RSPH10B2: variants seen among roughly 807,000 people sequenced by gnomAD.
RSPH10B2 encodes radial spoke head 10 homolog B2 (Chlamydomonas).
In RSPH10B2, 9 loss-of-function variants were observed where a neutral mutation model predicts 49.0. The ratio of observed to expected loss-of-function variants is 0.18; its 90% CI spans 0.11 to 0.32. The LOEUF (loss-of-function observed/expected upper bound fraction) is 0.32. RSPH10B2 is among the 10% of genes least tolerant of loss of function. The pLI is 1.00. For missense variants in RSPH10B2, 95 were observed against 589.9 expected, an observed-to-expected ratio of 0.16 and a Z score of 8.69; for synonymous variants, 35 against 210.2, an observed-to-expected ratio of 0.17 and a Z score of 7.21.
chr7:6,755,950 A>C (rs865956005), upstream of RSPH10B2, among the ~76,000 whole-genome samples: 4 of 142,248 alleles, frequency 2.8e-5, no homozygotes, highest in Non-Finnish European at 6.0e-5. Context: ...AAAAAAAAAA[A>C]AAAAAACAAA....
chr7:6,768,471 C>T (rs970756921), intron 6 of RSPH10B2, 119 bp from the exon 9 acceptor site: 1 of 149,138 alleles, frequency 6.7e-6, no homozygotes, highest in African/African-American at 2.5e-5. Context: ...TGTGTGACTC[C>T]AGAGTCCAAG....
intron 16 of RSPH10B2, among the ~76,000 whole-genome samples, chr7:6,791,411 T>A (rs1782322610): frequency 6.7e-6 from 1 of 149,758 alleles, no homozygotes; most frequent in Non-Finnish European, 1.5e-5. Flanking sequence ...AATTCTGTTA[T>A]TCATTTCATT....
At chr7:6,783,860 A>G (rs1464610161) in intron 13 of RSPH10B2, among the ~76,000 whole-genome samples, 1 of 134,494 alleles carries the variant, frequency 7.4e-6, no homozygotes, top group Non-Finnish European at 1.6e-5. Flanking sequence ...TATTATTTTG[A>G]CAGTCTTGCT....
At chr7:6,756,473 A>T (rs1583491358), upstream of RSPH10B2, among the ~76,000 whole-genome samples, 1 of 2,638 alleles carries the variant, frequency 3.8e-4, no homozygotes, top group Non-Finnish European at 5.5e-4. Flanking sequence ...TGCAACCTCC[A>T]CCTCCTGGGT....
At chr7:6,793,562 T>C (rs1262236287) in intron 17 of RSPH10B2, among the ~76,000 whole-genome samples, 3 of 124,460 alleles carry the variant, frequency 2.4e-5, no homozygotes, top group Non-Finnish European at 4.9e-5. Flanking sequence ...ATCTCTTCTC[T>C]TGGCCGGGCA....
rs747103973 is a variant in RSPH10B2, at chr7:6,796,650, G to A, written c.2316G>A (p.Thr772=). Residue 772 remains threonine (T), a synonymous_variant, in exon 18 of 19, where the codon ACG becomes ACA. Coordinates refer to ENST00000297186, the Ensembl canonical transcript of RSPH10B2. ...ATACGTACGTCTTCTTTGTGAACACGCTCTTTCATGCGTATAAACGTGAAG... is the reference window on the plus strand; with the variant it reads ...ATACGTACGTCTTCTTTGTGAACACACTCTTTCATGCGTATAAACGTGAAG... The A allele has an allele frequency of 1.6e-5, 20 of 1,220,254 alleles. 4 individuals carry two copies. Among genetic ancestry groups the A allele is most frequent in the East Asian group, 1.3e-4 (4 of 31,914 alleles). 75.6% of individuals were successfully genotyped at this position (1,220,254 alleles called of 1,614,324 possible).
At chr7:6,765,678 G>A in intron 4 of RSPH10B2, 28 bp from the exon 7 acceptor site, 1 of 1,400,880 alleles carries the variant, frequency 7.1e-7, no homozygotes, top group Non-Finnish European at 9.5e-7. Context: ...AGGCTTGATA[G>A]TTTTAAAGAT....
At chr7:6,794,262 C>T (rs1469420470) in intron 17 of RSPH10B2, 1 of 153,106 alleles carries the variant, frequency 6.5e-6, no homozygotes, top group Non-Finnish European at 1.5e-5. Context: ...ACTGTCCTCC[C>T]CAGGCCACTG....
chr7:6,797,018 T>C lies in RSPH10B2; in HGVS notation c.2432+252T>C, dbSNP rs192344764. On this transcript the variant is annotated intron_variant, in intron 18 of 18. Transcript: ENST00000297186. ...TATTTGGTCTTAGTTTCTAGTTTTA[T>C]TTTTTTTTTTTAGACAGGGTCTCAC... 557 of 229,740 alleles carry C rather than the reference T, an allele frequency of 2.4e-3. 4 individuals carry two copies. The highest frequency in any genetic ancestry group is 0.014 in the African/African-American group (518 of 35,970). 14.2% of individuals were successfully genotyped at this position (229,740 alleles called of 1,614,324 possible).
chr7:6,796,062 G>A (rs1195691982), intron 17 of RSPH10B2, among the ~76,000 whole-genome samples: 2 of 143,854 alleles, frequency 1.4e-5, no homozygotes, highest in African/African-American at 2.5e-5. Flanking sequence ...GCTCATGCCT[G>A]TAATCCCAGC....
chr7:6,769,887 A>C (rs1038297325), intron 7 of RSPH10B2, among the ~76,000 whole-genome samples: 9 of 54,196 alleles, frequency 1.7e-4, no homozygotes, highest in Non-Finnish European at 1.4e-4. Flanking sequence ...GCTTGCCAAA[A>C]TAGTTTCAAT....
At chr7:6,769,632 A>C (rs533150267) in intron 7 of RSPH10B2, among the ~76,000 whole-genome samples, 1 of 114,302 alleles carries the variant, frequency 8.7e-6, no homozygotes, top group African/African-American at 3.8e-5. Context: ...TCTGTTGCCC[A>C]GGCTGGAGTG....
chr7:6,782,063 G>A (rs1324265323), intron 13 of RSPH10B2, among the ~76,000 whole-genome samples: 4 of 110,500 alleles, frequency 3.6e-5, no homozygotes, highest in Non-Finnish European at 5.5e-5. Context: ...ACAGGTGCCC[G>A]CCACCACACC....
intron 16 of RSPH10B2, among the ~76,000 whole-genome samples, chr7:6,791,168 A>AT: frequency 7.8e-6 from 1 of 128,178 alleles, no homozygotes; most frequent in South Asian, 3.7e-4. Flanking sequence ...CGCCCGGCTA[A>AT]TTTTTTGTGT....
chr7:6,769,686 A>G (rs2711190), intron 7 of RSPH10B2, among the ~76,000 whole-genome samples: 8 of 117,280 alleles, frequency 6.8e-5, no homozygotes, highest in South Asian at 2.4e-4. Context: ...CCTCCCGGGC[A>G]CAAGTGATTC....
intron 17 of RSPH10B2, chr7:6,793,992 GC>G (rs1782457903): frequency 1.3e-5 from 2 of 153,028 alleles, no homozygotes; most frequent in African/African-American, 2.4e-5. Context: ...CTGTGTACAT[GC>G]TCACCTTTGC....
At position 6,795,591 on chromosome 7, in the gene RSPH10B2, G is replaced by A. The variant is rs1231794046; in HGVS notation, c.2234-977G>A. ...AGTTTGAGACCATGGGCAACATAGC[G>A]AAACCTTGTCTCTATAATAATTAGC... On this transcript the variant is annotated intron_variant, in intron 17 of 18. Transcript: ENST00000297186. 3.3e-4 allele frequency among the ~76,000 whole-genome samples: 40 copies of A among 121,482 alleles called. 1 individual carries two copies. Among genetic ancestry groups the A allele is most frequent in the African/African-American group, 1.2e-3 (38 of 33,008 alleles). 79.7% of individuals were successfully genotyped at this position (121,482 alleles called of 152,430 possible).
At position 6,781,895 on chromosome 7, in the gene RSPH10B2, T is replaced by C. The variant is rs1239329081; in HGVS notation, c.1758+419T>C. On this transcript the variant is annotated intron_variant, in intron 13 of 18. Transcript: ENST00000297186. ...ATATATATATATATAAATATATATA[T>C]AATAAATATATATATTTTTTTAATT... Among the ~76,000 whole-genome samples, 7 of 107,870 alleles carry C rather than the reference T, an allele frequency of 6.5e-5. 1 individual carries two copies. The highest frequency in any genetic ancestry group is 1.1e-4 in the Non-Finnish European group (6 of 54,314). 70.8% of individuals were successfully genotyped at this position (107,870 alleles called of 152,430 possible). A position where few individuals can be genotyped will look rare whatever the true frequency, so the allele number is the denominator to read the frequency against.
chr7:6,791,139 C>CT (rs1336959994), intron 16 of RSPH10B2, among the ~76,000 whole-genome samples: 1 of 135,724 alleles, frequency 7.4e-6, no homozygotes, highest in Admixed American at 7.9e-5. Context: ...GTAGCTAGGA[C>CT]TACAGGCACC....
Sources: gnomAD v4.1 joint callset for allele counts (sites outside exome capture counted in the v4.1 genomes callset) on GRCh38, gnomAD v4.1.1 for gene constraint, MANE v1.5 for transcripts, NCBI Gene and HGNC (gene_info 2026-07-23, HGNC 2026-07-21) for gene names.